The following KLHL18 variants were observed in gnomAD, a reference collection of about 807,000 sequenced individuals.
KLHL18 encodes the protein kelch like family member 18, also known as kelch-like protein 18.
A neutral mutation model predicts 58.5 loss-of-function variants in KLHL18; 38 were observed. The observed-to-expected ratio is 0.65, with a 90% CI of 0.50 to 0.85. The LOEUF (loss-of-function observed/expected upper bound fraction) is 0.85. Among genes scored for constraint, KLHL18 ranks in the 40% least tolerant of loss-of-function variants. The probability of loss-of-function intolerance (pLI) is 0.00; values close to 1 mark genes in which losing one functional copy is unlikely to be tolerated. For missense variants in KLHL18, 624 were observed against 778.4 expected, an observed-to-expected ratio of 0.80 and a Z score of 2.36; for synonymous variants, 303 against 301.9, an observed-to-expected ratio of 1.00 and a Z score of -0.04.
At chr3:47,310,656 CCTGA>C (rs1703276401) in intron 1 of KLHL18, among the ~76,000 whole-genome samples, 1 of 152,198 alleles carries the variant, frequency 6.6e-6, no homozygotes, top group Non-Finnish European at 1.5e-5. Context: ...GTCATTTACT[CCTGA>C]CTTTGTCCTT....
chr3:47,300,942 A>G (rs938033138), intron 1 of KLHL18, among the ~76,000 whole-genome samples: 1 of 152,034 alleles, frequency 6.6e-6, no homozygotes, highest in African/African-American at 2.4e-5. Flanking sequence ...GCCCGGCCTC[A>G]CTGGGATTCT....
At chr3:47,294,650 C>T (rs1702857953) in intron 1 of KLHL18, among the ~76,000 whole-genome samples, 1 of 148,922 alleles carries the variant, frequency 6.7e-6, no homozygotes, top group African/African-American at 2.6e-5. Context: ...AGTAGCCACC[C>T]AGCCCAGCAC....
intron 1 of KLHL18, among the ~76,000 whole-genome samples, chr3:47,291,764 TTTC>T (rs2107579278): frequency 6.6e-6 from 1 of 152,380 alleles, no homozygotes; most frequent in East Asian, 1.9e-4. Flanking sequence ...AATTGAAGCA[TTTC>T]TTGTTAAAGA....
At chr3:47,288,370 G>A (rs552199880) in intron 1 of KLHL18, among the ~76,000 whole-genome samples, 3 of 152,068 alleles carry the variant, frequency 2.0e-5, no homozygotes, top group Non-Finnish European at 4.4e-5. Flanking sequence ...TAGACTCTTC[G>A]TCTCCATATT....
chr3:47,286,089 C>T (rs1362585558), intron 1 of KLHL18, among the ~76,000 whole-genome samples: 1 of 151,994 alleles, frequency 6.6e-6, no homozygotes, highest in Non-Finnish European at 1.5e-5. Context: ...ACGGTCAGCC[C>T]GAATTGCTGT....
At chr3:47,300,297 A>ATATG (rs1702989960) in intron 1 of KLHL18, among the ~76,000 whole-genome samples, 1 of 145,646 alleles carries the variant, frequency 6.9e-6, no homozygotes, top group Non-Finnish European at 1.5e-5. Context: ...TTATATATAT[A>ATATG]TATATATATA....
chr3:47,308,928 T>C (rs1327703625), intron 1 of KLHL18, among the ~76,000 whole-genome samples: 1 of 152,196 alleles, frequency 6.6e-6, no homozygotes, highest in Non-Finnish European at 1.5e-5. Flanking sequence ...CCTTCCGCAG[T>C]GTTTGTATCC....
At chr3:47,326,216 G>A (rs1450608888) in intron 3 of KLHL18, among the ~76,000 whole-genome samples, 1 of 152,148 alleles carries the variant, frequency 6.6e-6, no homozygotes, top group Non-Finnish European at 1.5e-5. Flanking sequence ...CCAAAGTGCT[G>A]AGATTACAGG....
At chr3:47,328,325 C>T (rs569160828) in intron 3 of KLHL18, among the ~76,000 whole-genome samples, 30 of 151,754 alleles carry the variant, frequency 2.0e-4, no homozygotes, top group Non-Finnish European at 3.5e-4. Context: ...ATAATTGCAC[C>T]ACTACACTAC....
intron 1 of KLHL18, among the ~76,000 whole-genome samples, chr3:47,312,905 ATTTT>A (rs35710141): frequency 1.7e-5 from 2 of 117,872 alleles, no homozygotes. Context: ...ATACCTTTTA[ATTTT>A]TTTTTTTTTT....
intron 1 of KLHL18, among the ~76,000 whole-genome samples, chr3:47,302,272 G>A (rs575553706): frequency 6.6e-6 from 1 of 152,278 alleles, no homozygotes; most frequent in South Asian, 2.1e-4. Context: ...AGATCATGAG[G>A]TCAAGAGATC....
chr3:47,321,333 TTTG>T (rs1703581605), intron 2 of KLHL18, among the ~76,000 whole-genome samples: 1 of 150,886 alleles, frequency 6.6e-6, no homozygotes, highest in South Asian at 2.1e-4. Flanking sequence ...GTTTTTTTTT[TTTG>T]TTTTGTTTTG....
intron 1 of KLHL18, among the ~76,000 whole-genome samples, chr3:47,305,745 CTT>C (rs1279364217): frequency 1.3e-5 from 2 of 152,008 alleles, no homozygotes; most frequent in Non-Finnish European, 2.9e-5. Context: ...TGGTAGATTT[CTT>C]TTTCAAGCAT....
At chr3:47,325,255 T>G (rs1703688319) in intron 3 of KLHL18, among the ~76,000 whole-genome samples, 1 of 152,194 alleles carries the variant, frequency 6.6e-6, no homozygotes, top group Admixed American at 6.5e-5. Flanking sequence ...TGGAGTGCAG[T>G]GGCGCGATCT....
intron 1 of KLHL18, among the ~76,000 whole-genome samples, chr3:47,303,047 C>T (rs866621118): frequency 1.4e-4 from 21 of 152,322 alleles, no homozygotes; most frequent in Middle Eastern, 6.8e-3. Context: ...CTTCACCCCT[C>T]ACCTTTTTGC....
At chr3:47,302,113 T>TA (rs1703038668) in intron 1 of KLHL18, among the ~76,000 whole-genome samples, 1 of 152,234 alleles carries the variant, frequency 6.6e-6, no homozygotes, top group Non-Finnish European at 1.5e-5. Flanking sequence ...TTAACACATA[T>TA]TTTGTATGTT....
At position 47,346,440 on chromosome 3, in the gene KLHL18, G is replaced by A. The variant is rs1704227104; in HGVS notation, c.*2499G>A. On this transcript the variant is annotated 3_prime_UTR_variant, in exon 10 of 10. Transcript: ENST00000232766. ...TCGTAAATGGCTGGTCTGGCTCTTT[G>A]GTGTTGGAGCCTTTCCAATAGCCCC... The A allele has an allele frequency of 1.3e-5, 2 of 152,638 alleles. No individual in the cohort carries two copies. The highest frequency in any genetic ancestry group is 4.8e-5 in the African/African-American group (2 of 41,444). The allele number at this position is 152,638 out of a possible 1,614,324, so 9.5% of individuals were successfully genotyped here. A position where few individuals can be genotyped will look rare whatever the true frequency, so the allele number is the denominator to read the frequency against.
intron 1 of KLHL18, among the ~76,000 whole-genome samples, chr3:47,302,482 T>TCAAA (rs775796524): frequency 6.6e-6 from 1 of 152,146 alleles, no homozygotes; most frequent in Non-Finnish European, 1.5e-5. Context: ...AGACTCTGTC[T>TCAAA]CAAACAAACA....
At chr3:47,302,193 TA>T (rs922157989) in intron 1 of KLHL18, among the ~76,000 whole-genome samples, 4 of 152,192 alleles carry the variant, frequency 2.6e-5, no homozygotes, top group Admixed American at 2.6e-4. Flanking sequence ...AAATGTTGTT[TA>T]AAAACTCAAT....
Sources: gnomAD v4.1 joint callset for allele counts (sites outside exome capture counted in the v4.1 genomes callset) on GRCh38, gnomAD v4.1.1 for gene constraint, MANE v1.5 for transcripts, NCBI Gene and HGNC (gene_info 2026-07-23, HGNC 2026-07-21) for gene names.